PCTP: variants seen among roughly 807,000 people sequenced by gnomAD.
PCTP encodes the protein phosphatidylcholine transfer protein, also known as START domain-containing protein 2.
A neutral mutation model predicts 31.0 loss-of-function variants in PCTP; 27 were observed. The observed-to-expected ratio is 0.87, with a 90% CI of 0.64 to 1.20. The LOEUF (loss-of-function observed/expected upper bound fraction) is 1.20. PCTP is among the 50% of genes most tolerant of loss of function. PCTP has a pLI of 0.00. For synonymous variants in PCTP, 108 were observed against 101.2 expected (o/e 1.07, Z -0.40); for missense variants, 287 against 268.2 (o/e 1.07, Z -0.49).
chr17:55,848,471 G>A, the PCTP span, among the ~76,000 whole-genome samples: 1,007 of 152,246 alleles, frequency 6.6e-3, 12 homozygotes, highest in African/African-American at 0.023. Context: ...AGGAACCTGT[G>A]GAACTAATGG....
chr17:55,844,901 A>C (rs1195770531), downstream of PCTP, among the ~76,000 whole-genome samples: 1 of 151,830 alleles, frequency 6.6e-6, no homozygotes, highest in East Asian at 1.9e-4. Context: ...CAGCCTGACC[A>C]ACATGGTGAA....
chr17:55,840,066 A>T (rs1051912888), intron 5 of PCTP, among the ~76,000 whole-genome samples: 1 of 152,080 alleles, frequency 6.6e-6, no homozygotes, highest in African/African-American at 2.4e-5. Context: ...CAGATTTTTT[A>T]AAATTTTGCA....
rs114870298 is a variant in PCTP, at chr17:55,772,852, G to A, written c.340-872G>A. On this transcript the variant is annotated intron_variant, in intron 3 of 5. Coordinates refer to ENST00000268896, the MANE Select transcript of PCTP (RefSeq NM_021213.4). ...CTTCAGCTGGGATGTGGGATTTTTGGCAAGGTTCTTTTCCTCTCTGAGCCT... is the reference window on the plus strand; with the variant it reads ...CTTCAGCTGGGATGTGGGATTTTTGACAAGGTTCTTTTCCTCTCTGAGCCT... Among the ~76,000 whole-genome samples, 528 of 152,234 alleles carry A rather than the reference G, an allele frequency of 3.5e-3. 3 individuals are homozygous for A. Among genetic ancestry groups the A allele is most frequent in the African/African-American group, 0.012 (487 of 41,544 alleles).
chr17:55,762,915 G>A (rs985568328), intron 1 of PCTP, among the ~76,000 whole-genome samples: 9 of 152,196 alleles, frequency 5.9e-5, no homozygotes, highest in Non-Finnish European at 1.0e-4. Flanking sequence ...GTTGCATTCT[G>A]TACATGATAC....
intron 5 of PCTP, 70 bp downstream of exon 5, chr17:55,774,929 C>CG (rs1555566782): frequency 6.8e-7 from 1 of 1,473,568 alleles, no homozygotes; most frequent in Non-Finnish European, 9.4e-7. Context: ...ACTTAGCCCG[C>CG]GGGGCTGTCA....
chr17:55,852,022 TAAATC>T, the PCTP span, among the ~76,000 whole-genome samples: 5 of 152,256 alleles, frequency 3.3e-5, no homozygotes, highest in Non-Finnish European at 5.9e-5. Flanking sequence ...GAATTTGAGT[TAAATC>T]AAATTTGATC....
downstream of PCTP, among the ~76,000 whole-genome samples, chr17:55,827,614 G>A (rs1043468192): frequency 1.3e-5 from 2 of 152,194 alleles, no homozygotes; most frequent in African/African-American, 4.8e-5. Flanking sequence ...AACTTGTTTT[G>A]TTGTTATCAA....
the PCTP span, among the ~76,000 whole-genome samples, chr17:55,847,931 G>GTTTTTT: frequency 6.7e-6 from 1 of 150,082 alleles, no homozygotes. Flanking sequence ...TTTTGTTTTT[G>GTTTTTT]TTTTTTTTTG....
At chr17:55,789,394 A>G (rs1295117770) in intron 3 of PCTP, among the ~76,000 whole-genome samples, 1 of 152,228 alleles carries the variant, frequency 6.6e-6, no homozygotes, top group Non-Finnish European at 1.5e-5. Context: ...ATACAGGATT[A>G]ATGTTAGGAA....
intron 3 of PCTP, among the ~76,000 whole-genome samples, chr17:55,813,007 C>T (rs1912803791): frequency 6.6e-6 from 1 of 152,090 alleles, no homozygotes; most frequent in Admixed American, 6.5e-5. Context: ...GGAGCTGCTC[C>T]CAGAGTGATT....
intron 3 of PCTP, among the ~76,000 whole-genome samples, chr17:55,819,228 C>T (rs893311422): frequency 6.6e-6 from 1 of 151,936 alleles, no homozygotes; most frequent in African/African-American, 2.4e-5. Flanking sequence ...AAAAGCTTTC[C>T]CCCTAAGATC....
intron 5 of PCTP, chr17:55,775,393 A>T: frequency 1.6e-6 from 2 of 1,232,350 alleles, no homozygotes; most frequent in Non-Finnish European, 2.0e-6. Flanking sequence ...TGCTTTGCAC[A>T]AGATCTACTA....
intron 2 of PCTP, among the ~76,000 whole-genome samples, chr17:55,786,217 T>A (rs1262992703): frequency 1.3e-5 from 2 of 152,134 alleles, no homozygotes; most frequent in Admixed American, 6.5e-5. Flanking sequence ...CGGGAGGTAG[T>A]GGAGGTTGCA....
chr17:55,849,647 TA>T, the PCTP span, among the ~76,000 whole-genome samples: 60 of 151,576 alleles, frequency 4.0e-4, no homozygotes, highest in African/African-American at 1.4e-3. Flanking sequence ...TAAATAGAAA[TA>T]AAAAATAGCA....
chr17:55,793,555 CTGTT>C (rs913364495), intron 3 of PCTP, among the ~76,000 whole-genome samples: 3 of 152,078 alleles, frequency 2.0e-5, no homozygotes, highest in South Asian at 2.1e-4. Flanking sequence ...TCTTACTAAA[CTGTT>C]TGGTGATTGT....
chr17:55,825,269 T>G (rs1905358917), downstream of PCTP, among the ~76,000 whole-genome samples: 1 of 152,198 alleles, frequency 6.6e-6, no homozygotes, highest in Admixed American at 6.5e-5. Flanking sequence ...CTTTTCCCTT[T>G]AAAATTTTGT....
chr17:55,752,731 A>G (rs780438839), intron 1 of PCTP, among the ~76,000 whole-genome samples: 2 of 152,182 alleles, frequency 1.3e-5, no homozygotes, highest in Non-Finnish European at 2.9e-5. Flanking sequence ...TACAGATGTT[A>G]TATCTTGATG....
intron 5 of PCTP, among the ~76,000 whole-genome samples, chr17:55,831,186 C>T (rs1213199386): frequency 2.6e-5 from 4 of 152,180 alleles, no homozygotes; most frequent in Admixed American, 6.5e-5. Flanking sequence ...GTTTAAAAAG[C>T]GACTCGGTAG....
chr17:55,848,265 A>G, the PCTP span, among the ~76,000 whole-genome samples: 1 of 152,224 alleles, frequency 6.6e-6, no homozygotes, highest in African/African-American at 2.4e-5. Context: ...AAGTTGACAC[A>G]TAAAATTAAC....
Sources: gnomAD v4.1 joint callset for allele counts (sites outside exome capture counted in the v4.1 genomes callset) on GRCh38, gnomAD v4.1.1 for gene constraint, MANE v1.5 for transcripts, NCBI Gene and HGNC (gene_info 2026-07-23, HGNC 2026-07-21) for gene names.